ROCK1: variants seen among roughly 807,000 people sequenced by gnomAD.
ROCK1 encodes rho-associated protein kinase 1.
A neutral mutation model predicts 196.8 loss-of-function variants in ROCK1; 36 were observed. The ratio of observed to expected loss-of-function variants is 0.18; its 90% confidence interval spans 0.14 to 0.24. The LOEUF is 0.24. Ranked by LOEUF, ROCK1 falls within the 10% of genes least tolerant of loss-of-function variation. ROCK1 has a pLI of 1.00. For missense variants in ROCK1, 920 were observed against 1,562.0 expected (o/e 0.59, Z 6.93); for synonymous variants, 443 against 515.9 (o/e 0.86, Z 1.91).
chr18:21,083,929 T>C (rs1271357462), intron 1 of ROCK1, among the ~76,000 whole-genome samples: 1 of 152,082 alleles, frequency 6.6e-6, no homozygotes, highest in East Asian at 1.9e-4. Context: ...CAAGGGTCAA[T>C]TGTGCAGAAA....
At chr18:21,059,103 A>G (rs2143532715) in intron 2 of ROCK1, among the ~76,000 whole-genome samples, 1 of 152,302 alleles carries the variant, frequency 6.6e-6, no homozygotes, top group South Asian at 2.1e-4. Flanking sequence ...TATATATATC[A>G]TTAGTGACTG....
Position 21,061,444 on chromosome 18 carries a change from T to A in ROCK1, c.175+9088A>T, listed in dbSNP as rs117637772. Among the ~76,000 whole-genome samples the A allele has an allele frequency of 3.6e-3, 547 of 152,290 alleles. 2 individuals carry two copies. Among genetic ancestry groups the A allele is most frequent in the Non-Finnish European group, 5.3e-3 (359 of 68,000 alleles). ...AAAGGCTATACACTGTATGATTCCA[T>A]TTAATGACATTCTGGAAAAGGTAAA... On this transcript the variant is annotated intron_variant, in intron 2 of 32. Coordinates refer to ENST00000399799, the MANE Select transcript of ROCK1 (RefSeq NM_005406.3).
At chr18:21,048,211 C>T (rs1003434933) in intron 4 of ROCK1, among the ~76,000 whole-genome samples, 4 of 152,172 alleles carry the variant, frequency 2.6e-5, no homozygotes, top group Admixed American at 2.6e-4. Flanking sequence ...AGGCCTATGG[C>T]AATCAAGACG....
intron 32 of ROCK1, among the ~76,000 whole-genome samples, chr18:20,953,134 CAT>C (rs2143316490): frequency 6.6e-6 from 1 of 151,734 alleles, no homozygotes; most frequent in East Asian, 1.9e-4. Context: ...ATTAAAAAAA[CAT>C]AGTCACTGAT....
At position 20,948,398 on chromosome 18, in the gene ROCK1, T is replaced by C. The variant is rs1231611254; in HGVS notation, c.*2986A>G. ...ACCTCACTCTGAATTCCAGATTGAT[T>C]ATAGAACTGTGAAAGTTAACTATGA... On this transcript the variant is annotated 3_prime_UTR_variant, in exon 33 of 33. Transcript: ENST00000399799. 5.9e-5 allele frequency: 9 copies of C among 151,566 alleles called. No homozygotes were observed. The highest frequency in any genetic ancestry group is 1.9e-4 in the East Asian group (1 of 5,190). 9.4% of individuals were successfully genotyped at this position (151,566 alleles called of 1,614,324 possible).
intron 1 of ROCK1, among the ~76,000 whole-genome samples, chr18:21,073,291 G>C (rs1460915766): frequency 6.6e-6 from 1 of 152,064 alleles, no homozygotes; most frequent in Admixed American, 6.6e-5. Flanking sequence ...TCAATTAAAA[G>C]TATAACATTT....
intron 8 of ROCK1, among the ~76,000 whole-genome samples, chr18:21,041,270 TAAAAAAA>T (rs780115669): frequency 2.3e-4 from 24 of 105,168 alleles, no homozygotes; most frequent in East Asian, 1.5e-3. Flanking sequence ...TGTCTCTATT[TAAAAAAA>T]AAAAAAAAAA....
intron 8 of ROCK1, among the ~76,000 whole-genome samples, chr18:21,040,351 A>C (rs1354227389): frequency 6.6e-6 from 1 of 152,196 alleles, no homozygotes; most frequent in Non-Finnish European, 1.5e-5. Context: ...ATTATTTCTG[A>C]CCATTCAAAA....
intron 16 of ROCK1, among the ~76,000 whole-genome samples, chr18:21,002,467 G>A (rs1411345629): frequency 6.6e-6 from 1 of 152,120 alleles, no homozygotes; most frequent in East Asian, 1.9e-4. Context: ...TTTGGAGGAT[G>A]CCTGGGAAAT....
At chr18:21,074,887 C>T (rs2036416187) in intron 1 of ROCK1, among the ~76,000 whole-genome samples, 1 of 152,050 alleles carries the variant, frequency 6.6e-6, no homozygotes, top group African/African-American at 2.4e-5. Context: ...TGAGCTGAAC[C>T]TTGAAGAATA....
In ROCK1 at chr18:20,948,360, C is replaced by T. The variant is rs1358344092; in HGVS notation, c.*3024G>A. 6.6e-6 allele frequency: 1 copy of T among 151,818 alleles called. No homozygotes were observed. The highest frequency in any genetic ancestry group is 2.4e-5 in the African/African-American group (1 of 41,086). 9.4% of individuals were successfully genotyped at this position (151,818 alleles called of 1,614,324 possible). A position where few individuals can be genotyped will look rare whatever the true frequency, so the allele number is the denominator to read the frequency against. On this transcript the variant is annotated 3_prime_UTR_variant, in exon 33 of 33. Coordinates refer to ENST00000399799, the MANE Select transcript of ROCK1 (RefSeq NM_005406.3). ...ACTGAATATCCATATGGGAGAAATA[C>T]TGCTTGATCTCTACCTCACTCTGAA... is the stretch of plus-strand genomic sequence containing the variant.
At chr18:21,047,982 A>T (rs2036175303) in intron 4 of ROCK1, among the ~76,000 whole-genome samples, 1 of 152,220 alleles carries the variant, frequency 6.6e-6, no homozygotes, top group Non-Finnish European at 1.5e-5. Flanking sequence ...TTTTGCATTA[A>T]GGATCCCAAT....
At chr18:21,044,326 C>G in intron 5 of ROCK1, 140 bp from the exon 6 acceptor site, 1 of 453,300 alleles carries the variant, frequency 2.2e-6, no homozygotes, top group East Asian at 3.3e-5. Flanking sequence ...CTATCCACAT[C>G]TATAAATTAA....
chr18:21,044,282 C>T (rs2036136349), intron 5 of ROCK1, 96 bp from the exon 6 acceptor site: 2 of 780,284 alleles, frequency 2.6e-6, no homozygotes, highest in East Asian at 2.6e-5. Flanking sequence ...CATCCTCAAT[C>T]TAGGTAAGGC....
intron 11 of ROCK1, among the ~76,000 whole-genome samples, chr18:21,020,676 A>C (rs1432696200): frequency 6.6e-6 from 1 of 152,246 alleles, no homozygotes; most frequent in East Asian, 1.9e-4. Flanking sequence ...AAAGATAAGA[A>C]GAACTGATAA....
Position 21,091,422 on chromosome 18 carries a change from G to A in ROCK1, c.93+19396C>T, listed in dbSNP as rs1598559836. ...GTTCAAGACCAGCCTGGCCAACATG[G>A]TGAAACCCCGTCTCTACTAAAAATA... is the stretch of plus-strand genomic sequence containing the variant. On this transcript the variant is annotated intron_variant, in intron 1 of 32. Transcript: ENST00000399799. Among the ~76,000 whole-genome samples the A allele has an allele frequency of 3.3e-5, 5 of 152,018 alleles. No homozygotes were observed. The South Asian group carries it at 1.0e-3, about 32-fold the overall frequency.
intron 9 of ROCK1, among the ~76,000 whole-genome samples, chr18:21,034,097 G>A (rs1188238682): frequency 1.3e-5 from 2 of 149,832 alleles, no homozygotes; most frequent in African/African-American, 2.4e-5. Context: ...ATTTAACCAA[G>A]GAGGTGTAAG....
In ROCK1 at chr18:20,947,315, G is replaced by T. The variant is rs961084441; in HGVS notation, c.*4069C>A. The T allele has an allele frequency of 1.2e-4, 18 of 152,014 alleles. No homozygotes were observed. Among genetic ancestry groups the T allele is most frequent in the African/African-American group, 3.9e-4 (16 of 41,452 alleles). The allele number at this position is 152,014 out of a possible 1,614,324, so 9.4% of individuals were successfully genotyped here. On this transcript the variant is annotated 3_prime_UTR_variant, in exon 33 of 33. Transcript: ENST00000399799. Reference sequence around the variant, plus strand: ...CAGTTATGAAGGAATTGGTGGGGTGGGGTGGGGTTTAGGAAGTGCAGACTG... The same window carrying T: ...CAGTTATGAAGGAATTGGTGGGGTGTGGTGGGGTTTAGGAAGTGCAGACTG...
intron 1 of ROCK1, among the ~76,000 whole-genome samples, chr18:21,095,378 A>C (rs2036604780): frequency 6.6e-6 from 1 of 152,200 alleles, no homozygotes; most frequent in Admixed American, 6.5e-5. Context: ...AAGAAAAGAA[A>C]TCAGTATAGC....
Sources: allele counts gnomAD v4.1 joint callset (sites outside exome capture counted in the v4.1 genomes callset), GRCh38; gene constraint gnomAD v4.1.1; transcripts MANE v1.5; gene names NCBI Gene and HGNC (gene_info 2026-07-23, HGNC 2026-07-21).